Variants in KCNN2 observed in about 807,000 individuals in gnomAD.
KCNN2 encodes potassium calcium-activated channel subfamily N member 2.
KCNN2 carries 24 observed loss-of-function variants against 55.5 expected under a neutral mutation model. That is an observed-to-expected ratio of 0.43 (90% confidence interval 0.31 to 0.61). The LOEUF (loss-of-function observed/expected upper bound fraction) is 0.61, where lower values mean the gene tolerates loss of function less well. Among genes scored for constraint, KCNN2 ranks in the 20% least tolerant of loss-of-function variants. KCNN2 has a pLI of 0.08. For missense variants in KCNN2, 754 were observed against 853.6 expected (o/e 0.88, Z 1.45); for synonymous variants, 431 against 336.1 (o/e 1.28, Z -3.09).
intron 4 of KCNN2, among the ~76,000 whole-genome samples, chr5:114,469,010 C>T (rs1761581204): frequency 6.6e-6 from 1 of 152,108 alleles, no homozygotes; most frequent in Non-Finnish European, 1.5e-5. Context: ...CATCCAAGGG[C>T]TCAACATGGC....
chr5:114,068,469 G>A (rs1473760057), intron 1 of KCNN2, among the ~76,000 whole-genome samples: 4 of 152,098 alleles, frequency 2.6e-5, no homozygotes, highest in African/African-American at 9.7e-5. Context: ...CTACACCTTG[G>A]CCTCACATTC....
chr5:114,189,158 G>GTGTGTA (rs1554073800), intron 1 of KCNN2, among the ~76,000 whole-genome samples: 4 of 135,604 alleles, frequency 2.9e-5, no homozygotes, highest in African/African-American at 8.6e-5. Context: ...GTGTGTGTAT[G>GTGTGTA]TGTGTGTGTG....
intron 3 of KCNN2, among the ~76,000 whole-genome samples, chr5:114,419,063 C>T (rs914005870): frequency 6.6e-6 from 1 of 152,142 alleles, no homozygotes; most frequent in Non-Finnish European, 1.5e-5. Flanking sequence ...AGAGATTTTA[C>T]CTGGTTTAGA....
chr5:114,187,506 C>CTTT lies in KCNN2; in HGVS notation c.-270-33959_-270-33957dup, dbSNP rs34325633. Among the ~76,000 whole-genome samples, 761 of 126,570 alleles carry CTTT rather than the reference C, an allele frequency of 6.0e-3. 28 individuals are homozygous for CTTT. Among genetic ancestry groups the CTTT allele is most frequent in the African/African-American group, 0.011 (387 of 33,748 alleles). 83.0% of individuals were successfully genotyped at this position (126,570 alleles called of 152,430 possible). A position where few individuals can be genotyped will look rare whatever the true frequency, so the allele number is the denominator to read the frequency against. ...ATATGTAAATAGATGGTATCTCTGGCTTTTTTTTTTTTTTTTTGAGCGGAA... is the reference window on the plus strand; with the variant it reads ...ATATGTAAATAGATGGTATCTCTGGCTTTTTTTTTTTTTTTTTTTTGAGCGGAA... On this transcript the variant is annotated intron_variant, in intron 1 of 10. Coordinates refer to the KCNN2 transcript ENST00000512097.
intron 3 of KCNN2, among the ~76,000 whole-genome samples, chr5:114,435,709 A>C (rs2150090531): frequency 6.6e-6 from 1 of 152,278 alleles, no homozygotes; most frequent in South Asian, 2.1e-4. Context: ...TACATTTTAC[A>C]TTCTTTTCAT....
intron 4 of KCNN2, among the ~76,000 whole-genome samples, chr5:114,468,635 C>G (rs1032873236): frequency 1.3e-5 from 2 of 152,044 alleles, no homozygotes; most frequent in Admixed American, 1.3e-4. Flanking sequence ...ATACTTTAAG[C>G]CTAGAATATT....
At chr5:114,447,141 A>G (rs568734682) in intron 3 of KCNN2, among the ~76,000 whole-genome samples, 2 of 152,242 alleles carry the variant, frequency 1.3e-5, no homozygotes, top group South Asian at 4.1e-4. Flanking sequence ...TATTTCCTAT[A>G]AGCTTCCTCA....
chr5:114,473,083 T>A lies in KCNN2; in HGVS notation c.1809T>A (p.Ala603=). The change falls in exon 5 of 8, where the codon GCT becomes GCA. Residue 603 remains alanine (A), a synonymous_variant. Transcript: ENST00000673685. The part of the protein sequence containing the change: ...MGAGCTALVV[A]VVARKLELTK... Reference sequence around the variant, plus strand: ...CTGGTTGCACAGCCCTGGTGGTAGCTGTAGTGGCAAGGAAGCTAGAACTTA... The same window carrying A: ...CTGGTTGCACAGCCCTGGTGGTAGCAGTAGTGGCAAGGAAGCTAGAACTTA... 6.2e-7 allele frequency: 1 copy of A among 1,612,294 alleles called. No individual in the cohort carries two copies. The highest frequency in any genetic ancestry group is 8.5e-7 in the Non-Finnish European group (1 of 1,179,122).
chr5:114,198,463 T>TATACAC (rs146655146), intron 1 of KCNN2, among the ~76,000 whole-genome samples: 4 of 147,820 alleles, frequency 2.7e-5, no homozygotes, highest in African/African-American at 9.9e-5. Context: ...TATATACATA[T>TATACAC]ACACACACAC....
chr5:114,272,343 T>C (rs1216497677), intron 2 of KCNN2, among the ~76,000 whole-genome samples: 1 of 69,844 alleles, frequency 1.4e-5, no homozygotes, highest in African/African-American at 4.1e-5. Context: ...TACACACATA[T>C]ATGTATGTAC....
At chr5:114,345,318 G>T (rs1233167281) in intron 2 of KCNN2, among the ~76,000 whole-genome samples, 4 of 152,276 alleles carry the variant, frequency 2.6e-5, no homozygotes, top group African/African-American at 9.6e-5. Flanking sequence ...AATAAAATTG[G>T]TTTTCTACAA....
rs1452509272 is a variant in KCNN2, at chr5:114,134,458, G to GATTGATTT, written c.-271+77961_-271+77962insGATTTATT. ...TACTTTAACTTTGCAATCCAACCAT[G>GATTGATTT]ATTTATTTATTTATTTATTTATTTA... On this transcript the variant is annotated intron_variant, in intron 1 of 10. Coordinates refer to the KCNN2 transcript ENST00000512097. Among the ~76,000 whole-genome samples the GATTGATTT allele has an allele frequency of 4.6e-3, 633 of 137,400 alleles. 3 individuals carry two copies. Among genetic ancestry groups the GATTGATTT allele is most frequent in the Middle Eastern group, 7.3e-3 (2 of 274 alleles). The allele number at this position is 137,400 out of a possible 152,430, so 90.1% of individuals were successfully genotyped here.
At chr5:114,138,883 G>T (rs1752220961) in intron 1 of KCNN2, among the ~76,000 whole-genome samples, 1 of 152,146 alleles carries the variant, frequency 6.6e-6, no homozygotes, top group Non-Finnish European at 1.5e-5. Flanking sequence ...TTTTCTTTAT[G>T]AACTGTAATG....
In KCNN2 at chr5:114,431,340, T is replaced by A. The variant is rs1260322967; in HGVS notation, c.1637+26484T>A. ...GGCAGATTGTGTTGTTCAAGGAATTTTTCCATTTTATCTAGGTTGTCAAAT... is the reference window on the plus strand; with the variant it reads ...GGCAGATTGTGTTGTTCAAGGAATTATTCCATTTTATCTAGGTTGTCAAAT... On this transcript the variant is annotated intron_variant, in intron 3 of 7. Transcript: ENST00000673685. 3.3e-5 allele frequency among the ~76,000 whole-genome samples: 5 copies of A among 152,210 alleles called. No individual in the cohort carries two copies. The South Asian group carries it at 6.2e-4, about 19-fold the overall frequency.
intron 1 of KCNN2, among the ~76,000 whole-genome samples, chr5:114,092,889 T>C (rs944992216): frequency 6.6e-6 from 1 of 152,174 alleles, no homozygotes; most frequent in Non-Finnish European, 1.5e-5. Context: ...TTTTTCTTCC[T>C]GGGCCTCCAG....
intron 2 of KCNN2, among the ~76,000 whole-genome samples, chr5:114,307,253 A>C (rs554755817): frequency 6.6e-6 from 1 of 152,290 alleles, no homozygotes; most frequent in Non-Finnish European, 1.5e-5. Context: ...ACTAACTTAG[A>C]TCTGGAGACT....
At chr5:114,402,797 C>T (rs1251526403) in intron 2 of KCNN2, among the ~76,000 whole-genome samples, 1 of 152,184 alleles carries the variant, frequency 6.6e-6, no homozygotes, top group Non-Finnish European at 1.5e-5. Context: ...CTGCAGCAGC[C>T]TGGATATCAG....
At chr5:114,270,669 G>C (rs1322084122) in intron 2 of KCNN2, among the ~76,000 whole-genome samples, 1 of 152,158 alleles carries the variant, frequency 6.6e-6, no homozygotes, top group Non-Finnish European at 1.5e-5. Context: ...GCAAGTTGGT[G>C]ATTTATGCTT....
intron 1 of KCNN2, among the ~76,000 whole-genome samples, chr5:114,212,049 G>A (rs1021854364): frequency 6.6e-6 from 1 of 151,628 alleles, no homozygotes; most frequent in African/African-American, 2.4e-5. Flanking sequence ...TATGTTAAGT[G>A]TATATCTTAT....
Sources: gnomAD v4.1 joint callset for allele counts (sites outside exome capture counted in the v4.1 genomes callset) on GRCh38, gnomAD v4.1.1 for gene constraint, MANE v1.5 for transcripts, NCBI Gene and HGNC (gene_info 2026-07-23, HGNC 2026-07-21) for gene names.